Variants in LRCH1 observed in about 807,000 individuals in gnomAD.
LRCH1 encodes the protein leucine rich repeats and calponin homology domain containing 1.
A neutral mutation model predicts 94.9 loss-of-function variants in LRCH1; 23 were observed. The ratio of observed to expected loss-of-function variants is 0.24; its 90% confidence interval spans 0.17 to 0.34. The LOEUF is 0.34. Ranked by LOEUF, LRCH1 falls within the 10% of genes least tolerant of loss-of-function variation. The pLI is 1.00. For missense variants in LRCH1, 790 were observed against 945.9 expected (o/e 0.84, Z 2.16); for synonymous variants, 364 against 354.9 (o/e 1.03, Z -0.29).
chr13:46,614,102 A>G (rs926923127), intron 1 of LRCH1, among the ~76,000 whole-genome samples: 6 of 59,792 alleles, frequency 1.0e-4, no homozygotes, highest in Non-Finnish European at 1.7e-4. Flanking sequence ...CATTTCACAT[A>G]GTTACCTTTC....
At chr13:46,622,984 C>T (rs1361419340) in intron 1 of LRCH1, among the ~76,000 whole-genome samples, 1 of 152,118 alleles carries the variant, frequency 6.6e-6, no homozygotes, top group African/African-American at 2.4e-5. Flanking sequence ...GGGAGAGACT[C>T]GTGGTGTAAT....
chr13:46,662,810 G>A (rs1216514613), intron 2 of LRCH1, among the ~76,000 whole-genome samples: 3 of 152,210 alleles, frequency 2.0e-5, no homozygotes, highest in Admixed American at 6.5e-5. Flanking sequence ...ATATGGTGCA[G>A]GTATGCATAG....
chr13:46,735,038 G>A (rs75227861), intron 19 of LRCH1, among the ~76,000 whole-genome samples: 2,500 of 151,944 alleles, frequency 0.016, 73 homozygotes, highest in African/African-American at 0.054. Flanking sequence ...ATTCAGAGGT[G>A]GGGGATAGCG....
intron 1 of LRCH1, among the ~76,000 whole-genome samples, chr13:46,567,304 T>C (rs2050194795): frequency 6.6e-6 from 1 of 152,224 alleles, no homozygotes; most frequent in Non-Finnish European, 1.5e-5. Flanking sequence ...TATACATTAA[T>C]TACCTCTACA....
intron 2 of LRCH1, among the ~76,000 whole-genome samples, chr13:46,667,585 G>T (rs1490867150): frequency 6.6e-6 from 1 of 151,268 alleles, no homozygotes; most frequent in Non-Finnish European, 1.5e-5. Context: ...TAAATGACAA[G>T]TTAATGGGTG....
chr13:46,705,262 T>A lies in LRCH1; in HGVS notation c.1491-6T>A. 6.2e-7 allele frequency: 1 copy of A among 1,612,128 alleles called. No homozygotes were observed. On this transcript the variant is annotated splice_region_variant and splice_polypyrimidine_tract_variant and intron_variant, in intron 12 of 19. Coordinates refer to ENST00000389797, the MANE Select transcript of LRCH1 (RefSeq NM_001164211.2). ...TATCTTTTTTTTTCTTTCCTTGTTC[T>A]CACAGTGGTCAAATACAGCTGGAGA...
At chr13:46,750,964 A>G (rs774226223) in exon 19 of LRCH1, 4 of 200,804 alleles carry the variant, frequency 2.0e-5, no homozygotes, top group Non-Finnish European at 4.0e-5. Flanking sequence ...CCAAAACGCC[A>G]AGCACAACCG....
At chr13:46,556,034 A>G (rs1363729053) in intron 1 of LRCH1, among the ~76,000 whole-genome samples, 2 of 152,210 alleles carry the variant, frequency 1.3e-5, no homozygotes, top group East Asian at 1.9e-4. Flanking sequence ...TATAATAAAG[A>G]TAGTGGTTTC....
chr13:46,692,027 G>T (rs1870925032), intron 7 of LRCH1, among the ~76,000 whole-genome samples: 1 of 152,218 alleles, frequency 6.6e-6, no homozygotes, highest in South Asian at 2.1e-4. Flanking sequence ...TCACATGAAC[G>T]CATAGCAAGA....
At position 46,714,249 on chromosome 13, in the gene LRCH1, T is replaced by G. The variant is rs552140410; in HGVS notation, c.1655-1311T>G. The stretch of plus-strand genomic sequence containing the variant: ...CTTGTTGTTGAAAGCTCTATGGAGT[T>G]TGGTTGCTGTAAATAATGCTGTTTA... On this transcript the variant is annotated intron_variant, in intron 15 of 19. Transcript: ENST00000389797. 3.3e-5 allele frequency among the ~76,000 whole-genome samples: 5 copies of G among 152,334 alleles called. No homozygotes were observed. The East Asian group carries it at 7.7e-4, about 23-fold the overall frequency.
At chr13:46,702,419 T>G (rs1871527474) in intron 11 of LRCH1, among the ~76,000 whole-genome samples, 1 of 152,120 alleles carries the variant, frequency 6.6e-6, no homozygotes, top group Admixed American at 6.5e-5. Flanking sequence ...GGAGAATCGC[T>G]TGAGCCCAGG....
intron 1 of LRCH1, among the ~76,000 whole-genome samples, chr13:46,582,410 A>G (rs1171655771): frequency 9.3e-6 from 1 of 107,626 alleles, no homozygotes; most frequent in African/African-American, 3.7e-5. Flanking sequence ...TCATCTCTCC[A>G]GTGGCTGAGA....
chr13:46,631,381 T>C (rs190822061), intron 1 of LRCH1, among the ~76,000 whole-genome samples: 3 of 152,318 alleles, frequency 2.0e-5, no homozygotes, highest in African/African-American at 7.2e-5. Flanking sequence ...ACATGCTCAA[T>C]GCATTGTATA....
At chr13:46,596,625 G>A (rs1257411374) in intron 1 of LRCH1, among the ~76,000 whole-genome samples, 1 of 152,238 alleles carries the variant, frequency 6.6e-6, no homozygotes, top group East Asian at 1.9e-4. Flanking sequence ...CTAACTTGAA[G>A]CTACATTGAG....
intron 2 of LRCH1, among the ~76,000 whole-genome samples, chr13:46,657,692 A>ATTTTTTTTTTTTTTTTTTTT (rs55823488): frequency 6.4e-5 from 3 of 46,918 alleles, no homozygotes; most frequent in African/African-American, 7.8e-5. Context: ...TGCCCAGCTA[A>ATTTTTTTTTTTTTTTTTTTT]TTTTTTTTTT....
At chr13:46,599,438 G>A (rs2050601925) in intron 1 of LRCH1, among the ~76,000 whole-genome samples, 1 of 152,062 alleles carries the variant, frequency 6.6e-6, no homozygotes, top group African/African-American at 2.4e-5. Context: ...GTTTTCCATG[G>A]TGGTTCCACC....
rs1594237878 is a variant in LRCH1, at chr13:46,553,190, G to C, written c.-207G>C. The C allele has an allele frequency of 7.9e-5, 45 of 571,804 alleles. No individual in the cohort carries two copies. The South Asian group carries it at 8.6e-4, about 11-fold the overall frequency. The allele number at this position is 571,804 out of a possible 1,614,324, so 35.4% of individuals were successfully genotyped here. A position where few individuals can be genotyped will look rare whatever the true frequency, so the allele number is the denominator to read the frequency against. On this transcript the variant is annotated 5_prime_UTR_variant, in exon 1 of 20. Transcript: ENST00000389797. Reference sequence around the variant, plus strand: ...CCGCCGCAGTCCTTAGCTTCCCGGGGACAGGAAACCTTCAAGACCGAGCTG... The same window carrying C: ...CCGCCGCAGTCCTTAGCTTCCCGGGCACAGGAAACCTTCAAGACCGAGCTG...
chr13:46,591,717 T>C (rs1359488094), intron 1 of LRCH1, among the ~76,000 whole-genome samples: 1 of 152,250 alleles, frequency 6.6e-6, no homozygotes, highest in Non-Finnish European at 1.5e-5. Context: ...AATAGGATAC[T>C]AACCCCTGTT....
chr13:46,575,389 G>C (rs763248495), intron 1 of LRCH1, among the ~76,000 whole-genome samples: 15 of 152,192 alleles, frequency 9.9e-5, no homozygotes, highest in Admixed American at 2.6e-4. Flanking sequence ...CTGCAACCTT[G>C]TGACTCTGGT....
Sources: gnomAD v4.1 joint callset for allele counts (sites outside exome capture counted in the v4.1 genomes callset) on GRCh38, gnomAD v4.1.1 for gene constraint, MANE v1.5 for transcripts, NCBI Gene and HGNC (gene_info 2026-07-23, HGNC 2026-07-21) for gene names.